Variants in DGAT2L6 observed in about 807,000 individuals in gnomAD.
DGAT2L6 encodes diacylglycerol O-acyltransferase 2-like protein 6.
In DGAT2L6, 22 loss-of-function variants were observed where a neutral mutation model predicts 25.5. The observed-to-expected ratio is 0.86, with a 90% CI of 0.62 to 1.23. DGAT2L6 has a LOEUF of 1.23. Ranked by LOEUF, DGAT2L6 falls within the 50% of genes most tolerant of loss-of-function variation. The pLI, the probability that DGAT2L6 is intolerant of heterozygous loss-of-function variation, is 0.00. For missense variants in DGAT2L6, 287 were observed against 253.2 expected (o/e 1.13, Z -0.91); for synonymous variants, 100 against 94.7 (o/e 1.06, Z -0.32).
chrX:70,195,464 T>TCACACA (rs1256082724), intron 1 of DGAT2L6, among the ~76,000 whole-genome samples: 31,114 of 103,303 alleles, frequency 0.3, 5,350 homozygotes, highest in African/African-American at 0.63. Context: ...AAAGAAAGTG[T>TCACACA]CACACACACA....
Position 70,204,164 on chromosome X carries a change from G to A in DGAT2L6, c.648-141G>A. Reference sequence around the variant, plus strand: ...CAGTTGGGAGAGTGAGGCATGGCAGGAATGGGACATGAAGATGGAGATGTT... The same window carrying A: ...CAGTTGGGAGAGTGAGGCATGGCAGAAATGGGACATGAAGATGGAGATGTT... On this transcript the variant is annotated intron_variant, in intron 5 of 6. Coordinates refer to ENST00000333026, the MANE Select transcript of DGAT2L6 (RefSeq NM_198512.3). 8.1e-6 allele frequency: 4 copies of A among 490,909 alleles called. No individual in the cohort carries two copies. In the South Asian group the frequency reaches 9.8e-5, roughly 12 times the overall value. 40.5% of individuals were successfully genotyped at this position (490,909 alleles called of 1,213,427 possible).
At chrX:70,183,796 C>T (rs1372017087) in intron 1 of DGAT2L6, among the ~76,000 whole-genome samples, 1 of 108,707 alleles carries the variant, frequency 9.2e-6, no homozygotes, top group Admixed American at 9.8e-5. Flanking sequence ...TTTTGGAGGC[C>T]GAGGTGGGAG....
rs1055436790 is a variant in DGAT2L6, at chrX:70,205,229, C to A, written c.*123C>A. The A allele has an allele frequency of 5.6e-5, 46 of 816,083 alleles. No homozygotes were observed. Among genetic ancestry groups the A allele is most frequent in the Middle Eastern group, 4.5e-4 (1 of 2,229 alleles). 67.3% of individuals were successfully genotyped at this position (816,083 alleles called of 1,213,427 possible). A position where few individuals can be genotyped will look rare whatever the true frequency, so the allele number is the denominator to read the frequency against. On this transcript the variant is annotated 3_prime_UTR_variant, in exon 7 of 7. Transcript: ENST00000333026. ...GGATGAGAGAGGAGACCATCCAAGC[C>A]AGAAATTATTTAATAAATCAGAGTT...
chrX:70,204,813 T>A (rs2085423116), intron 6 of DGAT2L6, 139 bp from the exon 7 acceptor site: 2 of 761,569 alleles, frequency 2.6e-6, no homozygotes, highest in Admixed American at 8.1e-5. Flanking sequence ...GGGGCCAGGA[T>A]GAGACTGGAG....
intron 1 of DGAT2L6, among the ~76,000 whole-genome samples, chrX:70,189,378 T>C (rs770263812): frequency 8.9e-6 from 1 of 111,752 alleles, no homozygotes; most frequent in South Asian, 3.7e-4. Flanking sequence ...AAAAATACCA[T>C]TTAAATACCT....
chrX:70,185,234 T>G, intron 1 of DGAT2L6, among the ~76,000 whole-genome samples: 1 of 111,379 alleles, frequency 9.0e-6, no homozygotes, highest in South Asian at 3.8e-4. Flanking sequence ...AGGCTCTTCT[T>G]TGTGCATGGA....
chrX:70,203,397 C>A (rs1256240043), intron 5 of DGAT2L6, among the ~76,000 whole-genome samples: 2 of 111,804 alleles, frequency 1.8e-5, no homozygotes, highest in Non-Finnish European at 3.8e-5. Context: ...CACGTGAGCA[C>A]CAATTTATGG....
chrX:70,202,627 T>C (rs1197273634), intron 5 of DGAT2L6, among the ~76,000 whole-genome samples: 1 of 111,576 alleles, frequency 9.0e-6, no homozygotes. Context: ...AATTACCAAA[T>C]ACCTGCAGAA....
rs1385274188 is a variant in DGAT2L6, at chrX:70,199,800, C to T, written c.197-12C>T. On this transcript the variant is annotated splice_polypyrimidine_tract_variant and intron_variant, in intron 2 of 6. Transcript: ENST00000333026. ...GCCCTGTGTACTCTTCCCTTCCCTTCTGTACCCACAGGTGGCAGGCGTTCA... is the reference window on the plus strand; with the variant it reads ...GCCCTGTGTACTCTTCCCTTCCCTTTTGTACCCACAGGTGGCAGGCGTTCA... 1 of 1,206,709 alleles carries T rather than the reference C, an allele frequency of 8.3e-7. No individual in the cohort carries two copies. The highest frequency in any genetic ancestry group is 1.8e-5 in the African/African-American group (1 of 56,955).
At chrX:70,178,628 G>A (rs1602685738) in intron 1 of DGAT2L6, among the ~76,000 whole-genome samples, 2 of 111,366 alleles carry the variant, frequency 1.8e-5, no homozygotes, top group Non-Finnish European at 3.8e-5. Context: ...ACAGGTAGGA[G>A]ACAGCTGGTT....
chrX:70,183,347 A>G (rs1033629637), intron 1 of DGAT2L6, among the ~76,000 whole-genome samples: 2 of 112,444 alleles, frequency 1.8e-5, no homozygotes, highest in African/African-American at 6.5e-5. Context: ...TACTCCTGCC[A>G]GTGGAAAGAT....
intron 1 of DGAT2L6, among the ~76,000 whole-genome samples, chrX:70,178,426 T>A (rs1400574831): frequency 9.0e-6 from 1 of 111,347 alleles, no homozygotes; most frequent in Non-Finnish European, 1.9e-5. Context: ...CCCAAGGCTC[T>A]TCTGAGGCAG....
intron 1 of DGAT2L6, among the ~76,000 whole-genome samples, chrX:70,193,187 G>A (rs1053476706): frequency 3.6e-5 from 4 of 109,724 alleles, no homozygotes; most frequent in Admixed American, 2.0e-4. Context: ...GCATGGTGGC[G>A]TGCTCCTGTA....
chrX:70,204,962 C>G lies in DGAT2L6; in HGVS notation c.870C>G (p.Pro290=). ...TTTCTTTTTTCATAGTTGGGGAACC[C>G]CTTCCAATTCCCAGGATTAAGAGGC... ...NRPITTVVGE[P]LPIPRIKRPN... Residue 290 remains proline, a synonymous_variant, in exon 7 of 7, where the codon CCC becomes CCG. Transcript: ENST00000333026. 2 of 1,180,092 alleles carry G rather than the reference C, an allele frequency of 1.7e-6. No individual in the cohort carries two copies. Among genetic ancestry groups the G allele is most frequent in the Non-Finnish European group, 2.3e-6 (2 of 883,294 alleles).
intron 4 of DGAT2L6, 87 bp from the exon 5 acceptor site, chrX:70,201,784 AGTCAGAAAACAGAAGAACT>A: frequency 1.1e-6 from 1 of 894,645 alleles, no homozygotes; most frequent in Non-Finnish European, 1.5e-6. Flanking sequence ...AAACAGCAAT[AGTCAGAAAACAGAAGAACT>A]GTCTCCAAAA....
At chrX:70,187,970 C>T (rs963457436) in intron 1 of DGAT2L6, among the ~76,000 whole-genome samples, 1 of 111,861 alleles carries the variant, frequency 8.9e-6, no homozygotes, top group Non-Finnish European at 1.9e-5. Context: ...CTCTGAACCT[C>T]AGGTCCTCAT....
At chrX:70,195,486 A>ACACACG (rs2085388398) in intron 1 of DGAT2L6, among the ~76,000 whole-genome samples, 1 of 111,132 alleles carries the variant, frequency 9.0e-6, no homozygotes, top group African/African-American at 3.3e-5. Flanking sequence ...ACACACACAC[A>ACACACG]CGAATATTAT....
chrX:70,184,549 C>T (rs2085353759), intron 1 of DGAT2L6, among the ~76,000 whole-genome samples: 3 of 109,967 alleles, frequency 2.7e-5, no homozygotes, highest in Non-Finnish European at 5.7e-5. Context: ...ACTGCAGCCT[C>T]GAACTCCTGG....
At chrX:70,187,775 A>G (rs2085363826) in intron 1 of DGAT2L6, among the ~76,000 whole-genome samples, 1 of 112,103 alleles carries the variant, frequency 8.9e-6, no homozygotes, top group African/African-American at 3.2e-5. Context: ...GGTAGCATGG[A>G]GGTGGGAAAT....
Sources: gnomAD v4.1 joint callset for allele counts (sites outside exome capture counted in the v4.1 genomes callset) on GRCh38, gnomAD v4.1.1 for gene constraint, MANE v1.5 for transcripts, NCBI Gene and HGNC (gene_info 2026-07-23, HGNC 2026-07-21) for gene names.